Variants in ADAMTS5 observed in about 807,000 individuals in gnomAD.
The protein encoded by ADAMTS5 is A disintegrin and metalloproteinase with thrombospondin motifs 5.
A neutral mutation model predicts 81.4 loss-of-function variants in ADAMTS5; 54 were observed. The ratio of observed to expected loss-of-function variants is 0.66; its 90% confidence interval spans 0.53 to 0.83. The LOEUF is 0.83. ADAMTS5 is among the 40% of genes least tolerant of loss of function. The probability of loss-of-function intolerance (pLI) is 0.00; values close to 1 mark genes in which losing one functional copy is unlikely to be tolerated. For synonymous variants in ADAMTS5, 532 were observed against 508.8 expected (o/e 1.05, Z -0.61); for missense variants, 1,194 against 1,229.9 (o/e 0.97, Z 0.44).
chr21:26,958,106 A>C (rs760654505), intron 1 of ADAMTS5, among the ~76,000 whole-genome samples: 21 of 152,146 alleles, frequency 1.4e-4, no homozygotes, highest in Non-Finnish European at 2.5e-4. Context: ...CAAATGTCCT[A>C]AGGTGGACAA....
At chr21:26,953,552 G>A (rs181094393) in intron 2 of ADAMTS5, among the ~76,000 whole-genome samples, 25 of 152,284 alleles carry the variant, frequency 1.6e-4, no homozygotes, top group African/African-American at 4.8e-4. Flanking sequence ...GATGCTTTGT[G>A]AAAATATTCT....
Position 26,965,852 on chromosome 21 carries a change from G to C in ADAMTS5, c.540C>G (p.Arg180=). Residue 180 remains arginine (R), a synonymous_variant, in exon 1 of 8, where the codon CGC becomes CGG. Transcript: ENST00000284987. ...TCCGTGCGGACCCATCCCCGTACAC[G>C]CGCCCCTTTTCTTCCTCCGCCCAGG... The part of the protein sequence containing the change: ...RGPWAEEEKG[R]VYGDGSARIL... 2 of 1,612,838 alleles carry C rather than the reference G, an allele frequency of 1.2e-6. No homozygotes were observed. Among genetic ancestry groups the C allele is most frequent in the Non-Finnish European group, 1.7e-6 (2 of 1,179,602 alleles).
At chr21:26,940,424 T>C (rs1201943632) in intron 3 of ADAMTS5, among the ~76,000 whole-genome samples, 1 of 152,176 alleles carries the variant, frequency 6.6e-6, no homozygotes, top group Non-Finnish European at 1.5e-5. Flanking sequence ...TGAGGGACCA[T>C]GTTGGTGAGA....
At position 26,966,098 on chromosome 21, in the gene ADAMTS5, G is replaced by T. The variant is rs574011884; in HGVS notation, c.294C>A (p.Phe98Leu). 1.8e-5 allele frequency: 29 copies of T among 1,612,894 alleles called. No individual in the cohort carries two copies. In the African/African-American group the frequency reaches 3.6e-4, roughly 20 times the overall value. Residue 98 changes from phenylalanine to leucine, a missense_variant, in exon 1 of 8, where the codon TTC becomes TTA. Transcript: ENST00000284987. ...AACCATCTCGCTCCAGGTCCAAGAG[G>T]AACCTCCGGCCGCCCGCGTAGACGA... ...GYLVYAGGRR[F>L]LLDLERDGSV...
intron 2 of ADAMTS5, among the ~76,000 whole-genome samples, chr21:26,949,507 T>C (rs1409174970): frequency 6.6e-6 from 1 of 152,122 alleles, no homozygotes; most frequent in Non-Finnish European, 1.5e-5. Context: ...AGACACTCTT[T>C]ATGTGGGAGG....
At position 26,922,126 on chromosome 21, in the gene ADAMTS5, A is replaced by T. The variant is rs1716683553; in HGVS notation, c.*1927T>A. The stretch of plus-strand genomic sequence containing the variant: ...CTTGGCATTGGGTGATCTCCATCAC[A>T]TATAGGTTATCAGCCTTGTACAGGC... On this transcript the variant is annotated 3_prime_UTR_variant, in exon 8 of 8. Coordinates refer to ENST00000284987, the MANE Select transcript of ADAMTS5 (RefSeq NM_007038.5). 6.6e-6 allele frequency: 1 copy of T among 152,004 alleles called. No homozygotes were observed. Among genetic ancestry groups the T allele is most frequent in the Non-Finnish European group, 1.5e-5 (1 of 67,920 alleles). 9.4% of individuals were successfully genotyped at this position (152,004 alleles called of 1,614,324 possible).
chr21:26,954,294 C>A (rs1216194158), intron 2 of ADAMTS5, among the ~76,000 whole-genome samples: 1 of 152,042 alleles, frequency 6.6e-6, no homozygotes, highest in Non-Finnish European at 1.5e-5. Flanking sequence ...CCATTGATGA[C>A]CTTTGACAGG....
rs528295978 is a variant in ADAMTS5, at chr21:26,930,333, A to T, written c.2050-272T>A. Among the ~76,000 whole-genome samples, 3 of 152,324 alleles carry T rather than the reference A, an allele frequency of 2.0e-5. No homozygotes were observed. In the South Asian group the frequency reaches 6.2e-4, roughly 32 times the overall value. On this transcript the variant is annotated intron_variant, in intron 6 of 7. Transcript: ENST00000284987. ...ATGTGTTAAGAGACACAAGGTACTCATCTTCGTTTTTGTATGCATAATACA... is the reference window on the plus strand; with the variant it reads ...ATGTGTTAAGAGACACAAGGTACTCTTCTTCGTTTTTGTATGCATAATACA...
intron 2 of ADAMTS5, among the ~76,000 whole-genome samples, chr21:26,944,289 G>A (rs755169395): frequency 3.3e-5 from 5 of 152,124 alleles, no homozygotes; most frequent in Non-Finnish European, 7.4e-5. Context: ...TTGAGAGCTT[G>A]AAGAAAGGAC....
chr21:26,924,396 A>G lies in ADAMTS5; in HGVS notation c.2450T>C (p.Phe817Ser), dbSNP rs1005675540. 4 of 1,614,096 alleles carry G rather than the reference A, an allele frequency of 2.5e-6. No individual in the cohort carries two copies. The highest frequency in any genetic ancestry group is 3.4e-6 in the Non-Finnish European group (4 of 1,179,906). ...NYSGWSHRDD[F>S]LHGMGYSATK... is the part of the protein sequence containing the mutation. ...GGCAGAGTAGCCCATGCCATGCAGG[A>G]AGTCATCCCTGTGGCTCCAACCGCT... The change falls in exon 8 of 8, where the codon TTC becomes TCC. Residue 817 changes from phenylalanine (F) to serine (S), a missense_variant. Coordinates refer to ENST00000284987, the MANE Select transcript of ADAMTS5 (RefSeq NM_007038.5).
At position 26,934,747 on chromosome 21, in the gene ADAMTS5, T is replaced by A; in HGVS notation, c.1408A>T (p.Asn470Tyr). 1 of 1,613,550 alleles carries A rather than the reference T, an allele frequency of 6.2e-7. No homozygotes were observed. ...TTTCGTGGTAGGTCCAGCAAACAGTTACCTACAAGAATAACTGAGATTGAC... is the reference window on the plus strand; with the variant it reads ...TTTCGTGGTAGGTCCAGCAAACAGTAACCTACAAGAATAACTGAGATTGAC... ...ITEFLDDGHG[N>Y]CLLDLPRKQI... The change falls in exon 4 of 8, where the codon AAC becomes TAC. Residue 470 changes from asparagine to tyrosine, a missense_variant and splice_region_variant. Asn to Tyr is a moderately radical substitution (Grantham distance 143). Around this residue, in one of 2 missense-constraint regions of ADAMTS5, gnomAD observed 696 missense variants for 817.6 expected, o/e 0.85. Coordinates refer to ENST00000284987, the MANE Select transcript of ADAMTS5 (RefSeq NM_007038.5).
chr21:26,929,732 C>G (rs1267764048), intron 7 of ADAMTS5, among the ~76,000 whole-genome samples, 154 bp downstream of exon 7: 1 of 152,096 alleles, frequency 6.6e-6, no homozygotes, highest in Non-Finnish European at 1.5e-5. Flanking sequence ...CATCTCCTGT[C>G]TCTTCCTTCT....
chr21:26,925,523 G>A (rs1402294969), intron 7 of ADAMTS5, among the ~76,000 whole-genome samples: 1 of 152,194 alleles, frequency 6.6e-6, no homozygotes, highest in African/African-American at 2.4e-5. Context: ...ATAAACCTGT[G>A]AGGAATGCTA....
rs200244843 is a variant in ADAMTS5 at position 26,921,734 on chromosome 21, C to T, written c.*2319G>A. On this transcript the variant is annotated 3_prime_UTR_variant, in exon 8 of 8. Transcript: ENST00000284987. ...CATAAGAAAAAGGTGGAGAAAACTACTTAAAAGCATGGAATAGTGGTTTAA... is the reference window on the plus strand; with the variant it reads ...CATAAGAAAAAGGTGGAGAAAACTATTTAAAAGCATGGAATAGTGGTTTAA... 2 of 152,378 alleles carry T rather than the reference C, an allele frequency of 1.3e-5. No homozygotes were observed. Among genetic ancestry groups the T allele is most frequent in the Non-Finnish European group, 2.9e-5 (2 of 67,926 alleles). The allele number at this position is 152,378 out of a possible 1,614,324, so 9.4% of individuals were successfully genotyped here. A position where few individuals can be genotyped will look rare whatever the true frequency, so the allele number is the denominator to read the frequency against.
Position 26,965,585 on chromosome 21 carries a change from C to T in ADAMTS5, c.807G>A (p.Val269=). 1 of 1,606,800 alleles carries T rather than the reference C, an allele frequency of 6.2e-7. No individual in the cohort carries two copies. Among genetic ancestry groups the T allele is most frequent in the Non-Finnish European group, 8.5e-7 (1 of 1,176,412 alleles). The part of the protein sequence containing the change: ...RRRSISRARQ[V]ELLLVADASM... ...ACGCGTCAGCCACCAGAAGCAGCTC[C>T]ACCTGGCGGGCCCGGGAGATGGAGC... Residue 269 remains valine (V), a synonymous_variant, in exon 1 of 8, where the codon GTG becomes GTA. Transcript: ENST00000284987.
At chr21:26,963,571 A>G (rs953545772) in intron 1 of ADAMTS5, among the ~76,000 whole-genome samples, 2 of 141,856 alleles carry the variant, frequency 1.4e-5, no homozygotes. Flanking sequence ...TAAACTCTCC[A>G]AAGCCTCCTT....
chr21:26,948,410 G>A (rs533178149), intron 2 of ADAMTS5, among the ~76,000 whole-genome samples: 7 of 152,180 alleles, frequency 4.6e-5, no homozygotes, highest in Non-Finnish European at 7.3e-5. Flanking sequence ...GTGTTTACTC[G>A]GGAAAGCACT....
At position 26,966,312 on chromosome 21, in the gene ADAMTS5, G is replaced by A. The variant is rs1213240667; in HGVS notation, c.80C>T (p.Ala27Val). The A allele has an allele frequency of 6.6e-7, 1 of 1,521,864 alleles. No homozygotes were observed. The highest frequency in any genetic ancestry group is 1.2e-5 in the South Asian group (1 of 82,412). 94.3% of individuals were successfully genotyped at this position (1,521,864 alleles called of 1,614,324 possible). A position where few individuals can be genotyped will look rare whatever the true frequency, so the allele number is the denominator to read the frequency against. The change falls in exon 1 of 8, where the codon GCC becomes GTC. Residue 27 changes from alanine to valine, a missense_variant. This residue lies in a region of ADAMTS5 where 498 missense variants were observed against 412.3 expected (regional missense o/e 1.21). Transcript: ENST00000284987. ...CGGAGGCTGCCCGGCTTTATCCTGG[G>A]CAGGTGTCGCGGCGGGGCCGACCGC... The part of the protein sequence containing the change: ...LAAVGPAATP[A>V]QDKAGQPPTA...
At position 26,966,170 on chromosome 21, in the gene ADAMTS5, C is replaced by A; in HGVS notation, c.222G>T (p.Val74=). 6.2e-7 allele frequency: 1 copy of A among 1,607,920 alleles called. No individual in the cohort carries two copies. The highest frequency in any genetic ancestry group is 8.5e-7 in the Non-Finnish European group (1 of 1,177,306). ...CGGAGTAGAGTTGGTCGATGTTCTG[C>A]ACCAGCCCCTTGCTCCTGCGCCGCT... ...LAQRRRSKGL[V]QNIDQLYSGG... The change falls in exon 1 of 8, where the codon GTG becomes GTT. Residue 74 remains valine, a synonymous_variant. Transcript: ENST00000284987.
Sources: gnomAD v4.1 joint callset for allele counts (sites outside exome capture counted in the v4.1 genomes callset) on GRCh38, gnomAD v4.1.1 for gene constraint, gnomAD v4.1.1 regional missense constraint, MANE v1.5 for transcripts, NCBI Gene and HGNC (gene_info 2026-07-23, HGNC 2026-07-21) for gene names.